The following RHOT2 variants were observed in gnomAD, a reference collection of about 807,000 sequenced individuals.
The protein encoded by RHOT2 is mitochondrial Rho GTPase 2.
Under a neutral mutation model 81.6 loss-of-function variants are expected in RHOT2, and 90 were observed. The ratio of observed to expected loss-of-function variants is 1.10; its 90% CI spans 0.93 to 1.31. The LOEUF is 1.31. Ranked by LOEUF, RHOT2 falls within the 40% of genes most tolerant of loss-of-function variation. RHOT2 has a pLI of 0.00. For missense variants in RHOT2, 1,014 were observed against 841.9 expected, an observed-to-expected ratio of 1.20 and a Z score of -2.53; for synonymous variants, 512 against 370.9, an observed-to-expected ratio of 1.38 and a Z score of -4.37.
In RHOT2 at chr16:668,676, G is replaced by GA. The variant is rs2038355070; in HGVS notation, c.200dup (p.Leu68AlafsTer16). ...CCTAGAAGCCGAGCAGACGGACGAG[G>GA]AGCTGCGGGAGGAGATCCACAAGGT... On this transcript the variant is annotated frameshift_variant, in exon 4 of 19. Transcript: ENST00000315082. LOFTEE classifies it high-confidence loss of function. The GA allele has an allele frequency of 6.2e-7, 1 of 1,604,788 alleles. No homozygotes were observed. The highest frequency in any genetic ancestry group is 1.3e-5 in the African/African-American group (1 of 74,204).
chr16:673,866 G>A lies in RHOT2; in HGVS notation c.*260G>A. 1.6e-6 allele frequency: 1 copy of A among 610,976 alleles called. No homozygotes were observed. Among genetic ancestry groups the A allele is most frequent in the Admixed American group, 2.5e-5 (1 of 39,410 alleles). The allele number at this position is 610,976 out of a possible 1,614,324, so 37.8% of individuals were successfully genotyped here. A position where few individuals can be genotyped will look rare whatever the true frequency, so the allele number is the denominator to read the frequency against. On this transcript the variant is annotated 3_prime_UTR_variant, in exon 19 of 19. Transcript: ENST00000315082. ...CCAAGTGCCGGCCACCGCTGTCAGG[G>A]ATTGCCCACCCCTGGGCATCATGTG...
chr16:670,634 G>T (rs759333011), intron 8 of RHOT2, 41 bp from the exon 9 acceptor site: 1 of 1,605,202 alleles, frequency 6.2e-7, no homozygotes, highest in Non-Finnish European at 8.5e-7. Flanking sequence ...GTGGCAGGTC[G>T]GCGTGGGTCA....
Position 668,210 on chromosome 16 carries a change from A to G in RHOT2, c.11A>G (p.Asp4Gly), listed in dbSNP as rs761643701. The G allele has an allele frequency of 9.6e-6, 5 of 522,600 alleles. No individual in the cohort carries two copies. The African/African-American group carries it at 9.8e-5, about 10-fold the overall frequency. 32.4% of individuals were successfully genotyped at this position (522,600 alleles called of 1,614,324 possible). A position where few individuals can be genotyped will look rare whatever the true frequency, so the allele number is the denominator to read the frequency against. ...CTCCGGGCGGCAGCTATGAGGCGGG[A>G]CGTGCGCATCCTGTTACTGGGCGAG... MRR[D>G]VRILLLGEAQ... The change falls in exon 1 of 19, where the codon GAC becomes GGC. Residue 4 changes from aspartate to glycine, a missense_variant. By Grantham distance (94) the Asp-to-Gly change is moderately conservative (BLOSUM62 -1). Transcript: ENST00000315082.
intron 18 of RHOT2, 66 bp from the exon 19 acceptor site, chr16:673,414 G>T: frequency 6.2e-7 from 1 of 1,604,850 alleles, no homozygotes; most frequent in South Asian, 1.1e-5. Context: ...GGACATGGGA[G>T]GGTGCCCAGC....
chr16:671,514 C>T (rs1034799671), intron 11 of RHOT2, among the ~76,000 whole-genome samples, 183 bp from the exon 12 acceptor site: 1 of 152,174 alleles, frequency 6.6e-6, no homozygotes, highest in Admixed American at 6.5e-5. Flanking sequence ...AGGCCTCCCA[C>T]GTGCTGGAGC....
intron 7 of RHOT2, 32 bp downstream of exon 7, chr16:670,389 C>G (rs1455174615): frequency 6.2e-7 from 1 of 1,610,516 alleles, no homozygotes. Context: ...CCGCCTCCTT[C>G]ATTCCTTGTG....
chr16:670,405 A>G (rs748332101), intron 7 of RHOT2, 48 bp downstream of exon 7: 8 of 1,609,560 alleles, frequency 5.0e-6, no homozygotes, highest in South Asian at 2.2e-5. Context: ...TTGTGTTCTC[A>G]GTCGGTGCCC....
In RHOT2 at chr16:668,403, C is replaced by T. The variant is rs1360396061; in HGVS notation, c.88C>T (p.Pro30Ser). ...LILSLVGEEF[P>S]EEVPPRAEEI... ...CCTGTCCCTGGTGGGCGAGGAGTTC[C>T]CCGAGGAGGTAAGGGGCACGCCCGC... The change falls in exon 2 of 19, where the codon CCC becomes TCC. Residue 30 changes from proline to serine, a missense_variant. By Grantham distance (74) the Pro-to-Ser change is moderately conservative. Coordinates refer to ENST00000315082, the MANE Select transcript of RHOT2 (RefSeq NM_138769.3). The T allele has an allele frequency of 5.4e-6, 8 of 1,489,950 alleles. 1 individual carries two copies. In the Admixed American group the frequency reaches 9.3e-5, roughly 17 times the overall value. The allele number at this position is 1,489,950 out of a possible 1,614,324, so 92.3% of individuals were successfully genotyped here.
In RHOT2 at chr16:668,766, G is replaced by A. The variant is rs1234037450; in HGVS notation, c.222+67G>A. On this transcript the variant is annotated intron_variant, in intron 4 of 18. Coordinates refer to ENST00000315082, the MANE Select transcript of RHOT2 (RefSeq NM_138769.3). ...CTCGGCCTAATCCGCTTCGCAGCCT[G>A]GGGGATTGGACCGAGGTGCTCCGGG... 4.7e-6 allele frequency: 7 copies of A among 1,492,450 alleles called. No individual in the cohort carries two copies. In the African/African-American group the frequency reaches 1.0e-4, roughly 21 times the overall value. 92.5% of individuals were successfully genotyped at this position (1,492,450 alleles called of 1,614,324 possible). A position where few individuals can be genotyped will look rare whatever the true frequency, so the allele number is the denominator to read the frequency against.
chr16:670,633 C>T (rs770305109), intron 8 of RHOT2, 42 bp from the exon 9 acceptor site: 44 of 1,604,330 alleles, frequency 2.7e-5, no homozygotes, highest in Admixed American at 1.8e-4. Context: ...TGTGGCAGGT[C>T]GGCGTGGGTC....
In RHOT2 at chr16:668,670, G is replaced by C; in HGVS notation, c.193G>C (p.Asp65His). The C allele has an allele frequency of 1.2e-6, 2 of 1,605,496 alleles. No homozygotes were observed. The highest frequency in any genetic ancestry group is 1.1e-5 in the South Asian group (1 of 89,940). The change falls in exon 4 of 19, where the codon GAC becomes CAC. Residue 65 changes from aspartate to histidine, a missense_variant. Transcript: ENST00000315082. ...TGTCCCCCTAGAAGCCGAGCAGACG[G>C]ACGAGGAGCTGCGGGAGGAGATCCA... ...IVDYSEAEQT[D>H]EELREEIHKA...
rs1257550404 is a variant in RHOT2, at chr16:672,921, C to T, written c.1528-7C>T. Reference sequence around the variant, plus strand: ...GGACTGTACCTCATACCACTCTCTGCCCACAGCACCATTACATGGACGGGC... The same window carrying T: ...GGACTGTACCTCATACCACTCTCTGTCCACAGCACCATTACATGGACGGGC... On this transcript the variant is annotated splice_polypyrimidine_tract_variant and splice_region_variant and intron_variant, in intron 17 of 18. Coordinates refer to ENST00000315082, the MANE Select transcript of RHOT2 (RefSeq NM_138769.3). 1.2e-6 allele frequency: 2 copies of T among 1,612,790 alleles called. No individual in the cohort carries two copies. The highest frequency in any genetic ancestry group is 1.7e-5 in the Admixed American group (1 of 60,028).
Position 672,148 on chromosome 16 carries a change from C to G in RHOT2, c.1162C>G (p.Leu388Val), listed in dbSNP as rs767939833. 14 of 1,612,766 alleles carry G rather than the reference C, an allele frequency of 8.7e-6. No individual in the cohort carries two copies. The highest frequency in any genetic ancestry group is 3.3e-4 in the Middle Eastern group (2 of 6,062). The change falls in exon 14 of 19, where the codon CTC becomes GTC. Residue 388 changes from leucine (L) to valine (V), a missense_variant. Coordinates refer to ENST00000315082, the MANE Select transcript of RHOT2 (RefSeq NM_138769.3). The stretch of plus-strand genomic sequence containing the variant: ...CCTAGGCTACCTGGGCTACCCCACC[C>G]TCTGTGAGCAGGACCAGGCCCATGC... ...GHLGYLGYPT[L>V]CEQDQAHAIT...
rs771810310 is a variant in RHOT2, at chr16:671,801, C to CCTGCCG, written c.954+25_954+26insGCTGCC. ...GACCAGGTGAGAGCATGGCGAGTCCCCTGCCCCTGCCCCCGCCCCCTCCCC... is the reference window on the plus strand; with the variant it reads ...GACCAGGTGAGAGCATGGCGAGTCCCCTGCCGCTGCCCCTGCCCCCGCCCCCTCCCC... On this transcript the variant is annotated intron_variant, in intron 12 of 18. Coordinates refer to ENST00000315082, the MANE Select transcript of RHOT2 (RefSeq NM_138769.3). 1.2e-6 allele frequency: 2 copies of CCTGCCG among 1,601,592 alleles called. No individual in the cohort carries two copies. Among genetic ancestry groups the CCTGCCG allele is most frequent in the South Asian group, 2.2e-5 (2 of 90,714 alleles).
chr16:670,463 C>T lies in RHOT2; in HGVS notation c.446C>T (p.Ala149Val). Reference protein sequence around the residue: ...PEIETCVECSAKNLRNISELF... With the variant: ...PEIETCVECSVKNLRNISELF... ...CTGTTCCCACTTTCCCAGTGTTCGG[C>T]CAAGAACCTGAGGAACATCTCAGAG... Residue 149 changes from alanine to valine, a missense_variant, in exon 8 of 19, where the codon GCC becomes GTC. By Grantham distance (64) the Ala-to-Val change is moderately conservative. Transcript: ENST00000315082. The T allele has an allele frequency of 1.9e-6, 3 of 1,605,590 alleles. No homozygotes were observed. The highest frequency in any genetic ancestry group is 2.6e-6 in the Non-Finnish European group (3 of 1,176,048).
rs181251362 is a variant in RHOT2 at position 669,606 on chromosome 16, G to A, written c.276G>A (p.Lys92=). The change falls in exon 5 of 19, where the codon AAG becomes AAA. Residue 92 remains lysine, a splice_region_variant and synonymous_variant. Transcript: ENST00000315082. Reference sequence around the variant, plus strand: ...TCTCTGAGGAGGCCACCATTGAGAAGGTGAGCCCTCAGTGCAGACCCCAAC... The same window carrying A: ...TCTCTGAGGAGGCCACCATTGAGAAAGTGAGCCCTCAGTGCAGACCCCAAC... ...YDVSEEATIE[K]IRTKWIPLVN... The A allele has an allele frequency of 2.3e-5, 37 of 1,611,696 alleles. No individual in the cohort carries two copies. The highest frequency in any genetic ancestry group is 2.1e-4 in the African/African-American group (16 of 75,058).
At chr16:669,632 A>G (rs1415365812) in intron 5 of RHOT2, 26 bp downstream of exon 5, 1 of 1,609,610 alleles carries the variant, frequency 6.2e-7, no homozygotes. Context: ...AGACCCCAAC[A>G]GCAGAGACAC....
At position 672,495 on chromosome 16, in the gene RHOT2, G is replaced by A; in HGVS notation, c.1333G>A (p.Asp445Asn). The A allele has an allele frequency of 6.2e-7, 1 of 1,612,588 alleles. No individual in the cohort carries two copies. Among genetic ancestry groups the A allele is most frequent in the Non-Finnish European group, 8.5e-7 (1 of 1,179,900 alleles). Residue 445 changes from aspartate to asparagine, a missense_variant, in exon 16 of 19, where the codon GAC becomes AAC. Asp to Asn is a conservative substitution (Grantham distance 23). Coordinates refer to ENST00000315082, the MANE Select transcript of RHOT2 (RefSeq NM_138769.3). ...AFLGRGLGHQ[D>N]TREQPPGYAI... ...AGGACTTCACCTCCCTCAGCACCAG[G>A]ACACGAGGGAGCAGCCTCCCGGCTA...
chr16:670,700 T>C lies in RHOT2; in HGVS notation c.566T>C (p.Leu189Pro). Reference protein sequence around the residue: ...KQLRPACAQALTRIFRLSDQD... With the variant: ...KQLRPACAQAPTRIFRLSDQD... ...TTGAGGCCCGCGTGCGCCCAGGCGC[T>C]GACGCGCATCTTCAGGCTCTCAGAT... is the stretch of plus-strand genomic sequence containing the variant. Residue 189 changes from leucine (L) to proline (P), a missense_variant, in exon 9 of 19, where the codon CTG (leucine) becomes CCG (proline). Coordinates refer to ENST00000315082, the MANE Select transcript of RHOT2 (RefSeq NM_138769.3). The C allele has an allele frequency of 3.1e-6, 5 of 1,612,400 alleles. No individual in the cohort carries two copies. The highest frequency in any genetic ancestry group is 4.2e-6 in the Non-Finnish European group (5 of 1,179,908).
Sources: allele counts gnomAD v4.1 joint callset (sites outside exome capture counted in the v4.1 genomes callset), GRCh38; gene constraint gnomAD v4.1.1; transcripts MANE v1.5; gene names NCBI Gene and HGNC (gene_info 2026-07-23, HGNC 2026-07-21).